Variants in PCSK6 observed in about 807,000 individuals in gnomAD.
PCSK6 encodes the protein proprotein convertase subtilisin/kexin type 6.
In PCSK6, 85 loss-of-function variants were observed where a neutral mutation model predicts 123.3. The ratio of observed to expected loss-of-function variants is 0.69; its 90% CI spans 0.58 to 0.83. The LOEUF is 0.83. PCSK6 is among the 40% of genes least tolerant of loss of function. The pLI, the probability that PCSK6 is intolerant of heterozygous loss-of-function variation, is 0.00. For synonymous variants in PCSK6, 508 were observed against 516.0 expected (o/e 0.98, Z 0.21); for missense variants, 1,191 against 1,282.3 (o/e 0.93, Z 1.09).
At chr15:101,335,610 C>G (rs773451751) in intron 13 of PCSK6, among the ~76,000 whole-genome samples, 20 of 152,206 alleles carry the variant, frequency 1.3e-4, no homozygotes, top group Non-Finnish European at 2.1e-4. Context: ...CTAGCACTTT[C>G]TGCACCTTGA....
At chr15:101,412,315 A>G (rs1482513560) in intron 6 of PCSK6, among the ~76,000 whole-genome samples, 1 of 152,202 alleles carries the variant, frequency 6.6e-6, no homozygotes, top group Non-Finnish European at 1.5e-5. Context: ...AAATGCATAA[A>G]GACAGACAAT....
rs112247393 is a variant in PCSK6 at position 101,387,588 on chromosome 15, T to C, written c.1310+1876A>G. Among the ~76,000 whole-genome samples the C allele has an allele frequency of 5.5e-3, 813 of 148,602 alleles. 9 individuals carry two copies. Among genetic ancestry groups the C allele is most frequent in the African/African-American group, 0.018 (740 of 40,786 alleles). On this transcript the variant is annotated intron_variant, in intron 9 of 21. Transcript: ENST00000611716. ...TAAGAGAGGATGTTGAAAATGTTTT[T>C]TGATGAAGAACGGATGTTTGAAAAG...
intron 17 of PCSK6, among the ~76,000 whole-genome samples, chr15:101,323,360 AG>A (rs1451319375): frequency 6.6e-6 from 1 of 152,172 alleles, no homozygotes. Context: ...TCCTTTGCAA[AG>A]GTCTGGCTGG....
intron 1 of PCSK6, among the ~76,000 whole-genome samples, chr15:101,486,727 C>A (rs1052037662): frequency 2.6e-5 from 4 of 152,168 alleles, no homozygotes; most frequent in African/African-American, 9.7e-5. Flanking sequence ...TAAACTGAAT[C>A]CAGTTATTAG....
intron 1 of PCSK6, among the ~76,000 whole-genome samples, chr15:101,463,814 A>G (rs968618704): frequency 6.6e-6 from 1 of 152,134 alleles, no homozygotes; most frequent in Non-Finnish European, 1.5e-5. Flanking sequence ...AGTGCCTACC[A>G]AAGCTGTGAG....
chr15:101,364,435 G>A (rs2041329897), intron 13 of PCSK6, among the ~76,000 whole-genome samples: 1 of 152,068 alleles, frequency 6.6e-6, no homozygotes, highest in African/African-American at 2.4e-5. Flanking sequence ...TCAGAGTTTG[G>A]TACTTAATAA....
chr15:101,454,745 G>C (rs961925479), intron 1 of PCSK6, among the ~76,000 whole-genome samples: 1 of 152,090 alleles, frequency 6.6e-6, no homozygotes, highest in Admixed American at 6.5e-5. Flanking sequence ...AGGAGTTAGA[G>C]ACCAGCCTGG....
intron 11 of PCSK6, among the ~76,000 whole-genome samples, chr15:101,379,006 G>A (rs1476583072): frequency 6.7e-6 from 1 of 148,984 alleles, no homozygotes; most frequent in African/African-American, 2.6e-5. Flanking sequence ...TCGGGCAGGC[G>A]GGGCTGTGAT....
At chr15:101,403,654 C>A (rs1033780577) in intron 6 of PCSK6, among the ~76,000 whole-genome samples, 1 of 152,190 alleles carries the variant, frequency 6.6e-6, no homozygotes, top group Middle Eastern at 3.2e-3. Flanking sequence ...CTCCCTGTCA[C>A]CCCCAGCTTC....
chr15:101,420,780 T>C (rs1022267971), intron 6 of PCSK6, among the ~76,000 whole-genome samples: 2 of 152,184 alleles, frequency 1.3e-5, no homozygotes, highest in African/African-American at 4.8e-5. Context: ...ATGAAAGACA[T>C]CAGGGACCAG....
intron 1 of PCSK6, among the ~76,000 whole-genome samples, chr15:101,444,860 T>C (rs1459942996): frequency 6.6e-6 from 1 of 152,156 alleles, no homozygotes; most frequent in Non-Finnish European, 1.5e-5. Context: ...TGGAGGGACT[T>C]GGATGCTGTG....
At chr15:101,431,584 A>G (rs1001237081) in intron 3 of PCSK6, 121 bp from the exon 4 acceptor site, 8 of 1,181,752 alleles carry the variant, frequency 6.8e-6, no homozygotes, top group Admixed American at 1.9e-5. Flanking sequence ...GGGAACACCT[A>G]TCCCTGCCTT....
In PCSK6 at chr15:101,324,874, G is replaced by A; in HGVS notation, c.2353C>T (p.Pro785Ser). The change falls in exon 17 of 22, where the codon CCT becomes TCT. Residue 785 changes from proline (P) to serine (S), a missense_variant. Pro to Ser is a moderately conservative substitution (Grantham distance 74). Transcript: ENST00000611716. ...QEMNTCVTLC[P>S]AGFYADESQK... The stretch of plus-strand genomic sequence containing the variant: ...CTTTCATCAGCATAAAATCCTGCAG[G>A]ACAGAGGGTCACACAGGTGTTCATC... 6.2e-7 allele frequency: 1 copy of A among 1,613,506 alleles called. No homozygotes were observed. The highest frequency in any genetic ancestry group is 8.5e-7 in the Non-Finnish European group (1 of 1,179,806).
intron 11 of PCSK6, among the ~76,000 whole-genome samples, chr15:101,373,346 A>G (rs532235377): frequency 6.6e-6 from 1 of 152,346 alleles, no homozygotes; most frequent in Non-Finnish European, 1.5e-5. Flanking sequence ...GAACAAGGCT[A>G]ACTGTAACAA....
At chr15:101,389,337 G>A (rs575586142) in intron 9 of PCSK6, 127 bp downstream of exon 9, 27 of 719,990 alleles carry the variant, frequency 3.8e-5, no homozygotes, top group Admixed American at 1.0e-4. Context: ...GCAGGTGCAC[G>A]ACTCACTGAA....
At chr15:101,406,626 C>G (rs1404153306) in intron 6 of PCSK6, among the ~76,000 whole-genome samples, 1 of 152,036 alleles carries the variant, frequency 6.6e-6, no homozygotes, top group Non-Finnish European at 1.5e-5. Context: ...TGTCAACCCT[C>G]ATTATCACCT....
At chr15:101,458,453 T>A (rs1437734416) in intron 1 of PCSK6, among the ~76,000 whole-genome samples, 1 of 152,102 alleles carries the variant, frequency 6.6e-6, no homozygotes, top group East Asian at 1.9e-4. Flanking sequence ...CTGTACACAG[T>A]CACTGGACCC....
At chr15:101,399,501 T>G (rs1359545400) in intron 6 of PCSK6, among the ~76,000 whole-genome samples, 1 of 151,836 alleles carries the variant, frequency 6.6e-6, no homozygotes, top group East Asian at 1.9e-4. Flanking sequence ...AAGAGAGGGG[T>G]GAGGGGCTCC....
chr15:101,487,350 G>T (rs1228057693), intron 1 of PCSK6, among the ~76,000 whole-genome samples: 1 of 152,230 alleles, frequency 6.6e-6, no homozygotes, highest in African/African-American at 2.4e-5. Context: ...GAGCTGGGGA[G>T]ACCCCGATTA....
Sources: gnomAD v4.1 joint callset for allele counts (sites outside exome capture counted in the v4.1 genomes callset) on GRCh38, gnomAD v4.1.1 for gene constraint, MANE v1.5 for transcripts, NCBI Gene and HGNC (gene_info 2026-07-23, HGNC 2026-07-21) for gene names.